The following NF1 variants were observed in gnomAD, a reference collection of about 807,000 sequenced individuals.
The protein encoded by NF1 is neurofibromin 1, also known as neurofibromin.
A neutral mutation model predicts 325.7 loss-of-function variants in NF1; 122 were observed. The ratio of observed to expected loss-of-function variants is 0.37; its 90% CI spans 0.32 to 0.44. NF1 has a LOEUF of 0.44. Ranked by LOEUF, NF1 falls within the 20% of genes least tolerant of loss-of-function variation. NF1 has a pLI of 1.00. For synonymous variants in NF1, 1,091 were observed against 1,186.0 expected, an observed-to-expected ratio of 0.92 and a Z score of 1.65; for missense variants, 2,140 against 3,415.4, an observed-to-expected ratio of 0.63 and a Z score of 9.31.
intron 5 of NF1, among the ~76,000 whole-genome samples, chr17:31,170,790 TATCA>T (rs1443812080): frequency 1.3e-5 from 2 of 152,176 alleles, no homozygotes; most frequent in Non-Finnish European, 2.9e-5. Flanking sequence ...GTAAATCAGA[TATCA>T]ATGAATATTC....
intron 36 of NF1, among the ~76,000 whole-genome samples, chr17:31,288,522 G>GTTTTTTTTT: frequency 8.4e-6 from 1 of 119,662 alleles, no homozygotes; most frequent in Non-Finnish European, 1.9e-5. Flanking sequence ...TTTTTGCTTT[G>GTTTTTTTTT]TTTTTTTTTT....
At chr17:31,146,150 T>G (rs1916568943) in intron 1 of NF1, among the ~76,000 whole-genome samples, 1 of 152,234 alleles carries the variant, frequency 6.6e-6, no homozygotes, top group South Asian at 2.1e-4. Flanking sequence ...CTCATCAGCC[T>G]GAAATCAAGG....
chr17:31,243,213 T>TGTGTGTGTGTGTGTGTGTGTGTGTGTGTG (rs57229549), intron 29 of NF1, among the ~76,000 whole-genome samples: 13 of 150,844 alleles, frequency 8.6e-5, no homozygotes, highest in South Asian at 2.1e-4. Flanking sequence ...TGTGTGTGTG[T>TGTGTGTGTGTGTGTGTGTGTGTGTGTGTG]TGAGCTGCCT....
At chr17:31,112,501 T>G (rs984250194) in intron 1 of NF1, among the ~76,000 whole-genome samples, 1 of 152,150 alleles carries the variant, frequency 6.6e-6, no homozygotes, top group African/African-American at 2.4e-5. Flanking sequence ...AAGTGGTGTC[T>G]CATTGTGGTT....
At chr17:31,290,296 C>G (rs1010058481) in intron 36 of NF1, among the ~76,000 whole-genome samples, 10 of 152,198 alleles carry the variant, frequency 6.6e-5, no homozygotes, top group Middle Eastern at 6.8e-3. Flanking sequence ...TTTATGACTT[C>G]CTTGTTCATG....
At chr17:31,227,318 C>T (rs2151427084) in intron 19 of NF1, 27 bp downstream of exon 19, 1 of 1,609,602 alleles carries the variant, frequency 6.2e-7, no homozygotes, top group Non-Finnish European at 8.5e-7. Context: ...AGAAACACCC[C>T]TCCCAGGCGC....
intron 57 of NF1, among the ~76,000 whole-genome samples, chr17:31,373,681 G>T (rs1234267674): frequency 6.6e-6 from 1 of 152,156 alleles, no homozygotes; most frequent in Non-Finnish European, 1.5e-5. Context: ...CAGTGGTCCC[G>T]AAAGATTATA....
chr17:31,190,517 A>G (rs1272774374), intron 8 of NF1, among the ~76,000 whole-genome samples: 1 of 152,212 alleles, frequency 6.6e-6, no homozygotes, highest in Non-Finnish European at 1.5e-5. Flanking sequence ...TAGAGATCTG[A>G]CACATTCCTT....
chr17:31,174,662 A>C (rs146386835), intron 5 of NF1, among the ~76,000 whole-genome samples: 6 of 152,224 alleles, frequency 3.9e-5, no homozygotes, highest in African/African-American at 1.4e-4. Flanking sequence ...TTAAAGCCCA[A>C]TTCAATCATT....
intron 8 of NF1, among the ~76,000 whole-genome samples, chr17:31,193,253 T>G (rs1047432625): frequency 6.6e-6 from 1 of 152,230 alleles, no homozygotes; most frequent in Non-Finnish European, 1.5e-5. Context: ...TTCAGGTGAT[T>G]GTGATGCACA....
intron 15 of NF1, among the ~76,000 whole-genome samples, chr17:31,223,048 A>G (rs537231965): frequency 6.6e-6 from 1 of 152,306 alleles, no homozygotes; most frequent in Non-Finnish European, 1.5e-5. Flanking sequence ...TATATTTACA[A>G]TAGCAAGTGA....
intron 24 of NF1, among the ~76,000 whole-genome samples, chr17:31,231,191 A>C (rs954963107): frequency 8.5e-5 from 13 of 152,216 alleles, no homozygotes; most frequent in Non-Finnish European, 1.9e-4. Context: ...TTGGGAAATA[A>C]GATACATAAA....
At chr17:31,323,566 A>G (rs1477378747) in intron 36 of NF1, among the ~76,000 whole-genome samples, 1 of 152,150 alleles carries the variant, frequency 6.6e-6, no homozygotes, top group Non-Finnish European at 1.5e-5. Context: ...TAGAAAACCT[A>G]AGCCCTTTGG....
intron 4 of NF1, among the ~76,000 whole-genome samples, chr17:31,167,213 C>G (rs1223877612): frequency 6.6e-6 from 1 of 152,154 alleles, no homozygotes; most frequent in Non-Finnish European, 1.5e-5. Context: ...TTCTGAGGAG[C>G]CGTACTCCAT....
chr17:31,202,573 G>A (rs955787130), intron 11 of NF1, among the ~76,000 whole-genome samples: 5 of 152,136 alleles, frequency 3.3e-5, no homozygotes, highest in Admixed American at 1.3e-4. Flanking sequence ...CTTGGGCATT[G>A]CAGGACCTTT....
At chr17:31,239,698 A>G (rs1404415836) in intron 29 of NF1, among the ~76,000 whole-genome samples, 1 of 152,228 alleles carries the variant, frequency 6.6e-6, no homozygotes, top group Non-Finnish European at 1.5e-5. Flanking sequence ...ATTTTGATAC[A>G]GACATGGAAT....
chr17:31,273,464 G>A (rs1290900116), intron 36 of NF1: 1 of 152,180 alleles, frequency 6.6e-6, no homozygotes, highest in Non-Finnish European at 1.5e-5. Context: ...ACCCAAGCTA[G>A]AACTTAAGTC....
intron 36 of NF1, among the ~76,000 whole-genome samples, chr17:31,270,467 G>A (rs1376316451): frequency 1.3e-5 from 2 of 152,124 alleles, no homozygotes; most frequent in East Asian, 3.9e-4. Flanking sequence ...AAAATCAGCC[G>A]TACATTGTGG....
At chr17:31,292,971 A>C (rs1385360990) in intron 36 of NF1, among the ~76,000 whole-genome samples, 3 of 152,020 alleles carry the variant, frequency 2.0e-5, no homozygotes, top group African/African-American at 7.2e-5. Context: ...TGAGGTCAGG[A>C]GTTTGAGACC....
Sources: allele counts gnomAD v4.1 joint callset (sites outside exome capture counted in the v4.1 genomes callset), GRCh38; gene constraint gnomAD v4.1.1; transcripts MANE v1.5; gene names NCBI Gene and HGNC (gene_info 2026-07-23, HGNC 2026-07-21).